The following MEF2C variants were observed in gnomAD, a reference collection of about 807,000 sequenced individuals.
The protein encoded by MEF2C is myocyte-specific enhancer factor 2C.
Under a neutral mutation model 50.5 loss-of-function variants are expected in MEF2C, and 6 were observed. The observed-to-expected ratio is 0.12, with a 90% CI of 0.07 to 0.23. The LOEUF is 0.23. Ranked by LOEUF, MEF2C falls within the 10% of genes least tolerant of loss-of-function variation. The pLI is 1.00. For missense variants in MEF2C, 276 were observed against 605.0 expected (o/e 0.46, Z 5.70); for synonymous variants, 183 against 228.0 (o/e 0.80, Z 1.78).
upstream of MEF2C, among the ~76,000 whole-genome samples, chr5:88,886,301 C>A (rs971179411): frequency 6.6e-5 from 10 of 152,122 alleles, no homozygotes; most frequent in African/African-American, 2.4e-4. Flanking sequence ...TACTTCTGGA[C>A]TTTTGGTTTC....
intron 1 of MEF2C, among the ~76,000 whole-genome samples, chr5:88,831,752 T>G (rs558149950): frequency 6.6e-6 from 1 of 152,236 alleles, no homozygotes; most frequent in Admixed American, 6.5e-5. Flanking sequence ...TGGAACTCAG[T>G]GATTCATCAA....
At chr5:88,853,883 C>G (rs1243387899) in intron 1 of MEF2C, among the ~76,000 whole-genome samples, 1 of 152,160 alleles carries the variant, frequency 6.6e-6, no homozygotes, top group African/African-American at 2.4e-5. Context: ...ACTATGTCTC[C>G]TAATAAATCA....
chr5:88,789,716 T>G (rs1562045890), intron 3 of MEF2C, among the ~76,000 whole-genome samples: 2 of 152,190 alleles, frequency 1.3e-5, no homozygotes, highest in African/African-American at 4.8e-5. Context: ...TCATAACTTC[T>G]TCCAGGTGGT....
At chr5:88,810,251 T>G (rs1581063886) in intron 2 of MEF2C, among the ~76,000 whole-genome samples, 1 of 152,164 alleles carries the variant, frequency 6.6e-6, no homozygotes, top group South Asian at 2.1e-4. Flanking sequence ...AATGTTTAGC[T>G]TATTAGTGAC....
intron 3 of MEF2C, among the ~76,000 whole-genome samples, chr5:88,794,866 G>C (rs536913720): frequency 6.6e-6 from 1 of 152,096 alleles, no homozygotes; most frequent in Non-Finnish European, 1.5e-5. Flanking sequence ...CATATGGCTA[G>C]CCAGTTTTCC....
At chr5:88,899,704 A>G (rs986479133) in intron 1 of MEF2C, among the ~76,000 whole-genome samples, 5 of 152,152 alleles carry the variant, frequency 3.3e-5, no homozygotes, top group South Asian at 2.1e-4. Context: ...AAACTTGCCT[A>G]TCTTTCAAAT....
chr5:88,738,751 G>T (rs1380667341), intron 6 of MEF2C: 2 of 985,252 alleles, frequency 2.0e-6, no homozygotes, highest in Non-Finnish European at 2.4e-6. Flanking sequence ...TGATGTGCAA[G>T]TTTGAGGGAC....
At chr5:88,874,745 T>C (rs982986377) in intron 1 of MEF2C, among the ~76,000 whole-genome samples, 1 of 152,014 alleles carries the variant, frequency 6.6e-6, no homozygotes, top group African/African-American at 2.4e-5. Context: ...TGGTCTAATT[T>C]GGTAAATTTC....
intron 1 of MEF2C, among the ~76,000 whole-genome samples, chr5:88,830,327 T>C (rs1812557602): frequency 2.0e-5 from 3 of 152,016 alleles, no homozygotes; most frequent in South Asian, 4.1e-4. Flanking sequence ...ATGTCAGAAA[T>C]ATAATAAGGC....
chr5:88,740,586 C>T (rs1047684816), intron 6 of MEF2C: 1 of 984,366 alleles, frequency 1.0e-6, no homozygotes, highest in Non-Finnish European at 1.2e-6. Context: ...AGGTTGCTAC[C>T]ACTACATTAC....
chr5:88,749,592 T>G, intron 5 of MEF2C: 1 of 711,592 alleles, frequency 1.4e-6, no homozygotes, highest in Non-Finnish European at 1.7e-6. Flanking sequence ...TCTTATTGAC[T>G]GACACAATAT....
chr5:88,764,847 A>G (rs2152713482), intron 3 of MEF2C, among the ~76,000 whole-genome samples: 1 of 152,154 alleles, frequency 6.6e-6, no homozygotes, highest in African/African-American at 2.4e-5. Context: ...GAAATTTTAA[A>G]AAATTAGGCT....
chr5:88,778,130 G>A lies in MEF2C; in HGVS notation c.259-16802C>T, dbSNP rs1049181357. 7.9e-5 allele frequency among the ~76,000 whole-genome samples: 12 copies of A among 151,280 alleles called. No homozygotes were observed. The East Asian group carries it at 2.3e-3, about 29-fold the overall frequency. On this transcript the variant is annotated intron_variant, in intron 3 of 10. Transcript: ENST00000504921. Reference sequence around the variant, plus strand: ...TCACCGTGTTAGCCAGGATGGTCTCGATCTCTTGACCTTGTGATCCACCCG... The same window carrying A: ...TCACCGTGTTAGCCAGGATGGTCTCAATCTCTTGACCTTGTGATCCACCCG...
chr5:88,772,750 A>G (rs1224203944), intron 3 of MEF2C: 1 of 985,334 alleles, frequency 1.0e-6, no homozygotes, highest in East Asian at 1.1e-4. Flanking sequence ...CTGCTCTTCA[A>G]GGAGTGGCTA....
rs979906675 is a variant in MEF2C, at chr5:88,769,036, T to C, written c.259-7708A>G. Among the ~76,000 whole-genome samples the C allele has an allele frequency of 2.0e-5, 3 of 152,040 alleles. No homozygotes were observed. The South Asian group carries it at 6.2e-4, about 31-fold the overall frequency. ...GAAAGTCATAAGCATATAATCTCAG[T>C]GATCAAAAGTGTAGCTGAAAGAGGG... is the stretch of plus-strand genomic sequence containing the variant. On this transcript the variant is annotated intron_variant, in intron 3 of 10. Transcript: ENST00000504921.
chr5:88,780,944 T>G, intron 3 of MEF2C: 1 of 985,262 alleles, frequency 1.0e-6, no homozygotes. Flanking sequence ...AGGAAATAAA[T>G]TATATCCTAA....
intron 3 of MEF2C, among the ~76,000 whole-genome samples, chr5:88,799,817 C>T (rs1348164297): frequency 2.0e-5 from 3 of 151,826 alleles, no homozygotes; most frequent in Admixed American, 6.6e-5. Context: ...TCTCATCTCT[C>T]ATCTTCTCTC....
chr5:88,846,319 C>A (rs1262906548), intron 1 of MEF2C, among the ~76,000 whole-genome samples: 1 of 152,132 alleles, frequency 6.6e-6, no homozygotes, highest in Non-Finnish European at 1.5e-5. Flanking sequence ...CCACCCACCT[C>A]TGCCTCCCAA....
At chr5:88,838,315 G>A (rs1440928133) in intron 1 of MEF2C, among the ~76,000 whole-genome samples, 4 of 151,522 alleles carry the variant, frequency 2.6e-5, no homozygotes, top group African/African-American at 9.7e-5. Context: ...GGAATAGAAT[G>A]TAAGTTAGAT....
Sources: gnomAD v4.1 joint callset for allele counts (sites outside exome capture counted in the v4.1 genomes callset) on GRCh38, gnomAD v4.1.1 for gene constraint, MANE v1.5 for transcripts, NCBI Gene and HGNC (gene_info 2026-07-23, HGNC 2026-07-21) for gene names.